Variants in CDH12 observed in about 807,000 individuals in gnomAD.
CDH12 encodes the protein cadherin 12, also known as cadherin-12.
A neutral mutation model predicts 74.1 loss-of-function variants in CDH12; 41 were observed. The ratio of observed to expected loss-of-function variants is 0.55; its 90% CI spans 0.43 to 0.72. The LOEUF is 0.72. CDH12 is among the 30% of genes least tolerant of loss of function. The probability of loss-of-function intolerance (pLI) is 0.00; values close to 1 mark genes in which losing one functional copy is unlikely to be tolerated. For synonymous variants in CDH12, 399 were observed against 355.0 expected (o/e 1.12, Z -1.39); for missense variants, 945 against 977.2 (o/e 0.97, Z 0.44).
At chr5:22,808,439 A>T (rs1354299484) in intron 1 of CDH12, among the ~76,000 whole-genome samples, 1 of 152,128 alleles carries the variant, frequency 6.6e-6, no homozygotes, top group African/African-American at 2.4e-5. Flanking sequence ...TAGAGATGAA[A>T]AAATAGTCAA....
intron 1 of CDH12, among the ~76,000 whole-genome samples, chr5:22,661,810 C>T (rs1580862669): frequency 2.0e-5 from 3 of 152,076 alleles, no homozygotes; most frequent in South Asian, 2.1e-4. Flanking sequence ...AGGACAGGCT[C>T]TTCCACAAAA....
At chr5:22,772,473 C>A (rs768651467) in intron 1 of CDH12, among the ~76,000 whole-genome samples, 2 of 151,966 alleles carry the variant, frequency 1.3e-5, no homozygotes, top group Admixed American at 6.6e-5. Flanking sequence ...ATAAGGGAAG[C>A]AATGTGTAGA....
intron 8 of CDH12, among the ~76,000 whole-genome samples, chr5:21,841,074 C>T (rs1445373893): frequency 1.6e-3 from 240 of 152,042 alleles, no homozygotes; most frequent in African/African-American, 5.4e-3. Context: ...ACAGGCAACC[C>T]ACAAAATGGG....
chr5:22,356,210 G>A (rs1193789129), intron 3 of CDH12, among the ~76,000 whole-genome samples: 2 of 152,058 alleles, frequency 1.3e-5, no homozygotes, highest in Non-Finnish European at 2.9e-5. Context: ...GGGGAGAATA[G>A]CAATATTTTC....
At position 22,128,434 on chromosome 5, in the gene CDH12, C is replaced by T. The variant is rs183081460; in HGVS notation, c.-186-49572G>A. ...CTAGTTTTTTTTTTCTTTTTTGTTA[C>T]CTGCTCATAGGATATAAACTTATTT... is the stretch of plus-strand genomic sequence containing the variant. On this transcript the variant is annotated intron_variant, in intron 4 of 14. Transcript: ENST00000382254. 7.3e-4 allele frequency among the ~76,000 whole-genome samples: 110 copies of T among 151,348 alleles called. 1 individual carries two copies. The East Asian group carries it at 0.02, about 28-fold the overall frequency.
intron 8 of CDH12, among the ~76,000 whole-genome samples, chr5:21,836,977 C>T (rs571599764): frequency 1.4e-4 from 21 of 152,026 alleles, no homozygotes; most frequent in South Asian, 4.2e-4. Flanking sequence ...TCTGTAGGAT[C>T]TTTTGGGGGA....
chr5:22,219,536 A>T (rs941545151), intron 3 of CDH12, among the ~76,000 whole-genome samples: 6 of 151,652 alleles, frequency 4.0e-5, no homozygotes, highest in African/African-American at 1.2e-4. Flanking sequence ...TGCTGACTTT[A>T]TTTCCCTTAT....
Position 21,751,070 on chromosome 5 carries a change from T to C in CDH12, c.*667A>G, listed in dbSNP as rs1744019130. On this transcript the variant is annotated 3_prime_UTR_variant, in exon 15 of 15. Coordinates refer to ENST00000382254, the MANE Select transcript of CDH12 (RefSeq NM_004061.5). ...GGGACTTACATATTGAACTTGATAT[T>C]TTCATATTTATTTCAATTTTCTGAA... The C allele has an allele frequency of 6.6e-6, 1 of 152,580 alleles. No individual in the cohort carries two copies. The highest frequency in any genetic ancestry group is 2.1e-4 in the South Asian group (1 of 4,836). 9.5% of individuals were successfully genotyped at this position (152,580 alleles called of 1,614,324 possible). A position where few individuals can be genotyped will look rare whatever the true frequency, so the allele number is the denominator to read the frequency against.
intron 8 of CDH12, among the ~76,000 whole-genome samples, chr5:21,837,413 A>G (rs1749594307): frequency 6.6e-6 from 1 of 151,068 alleles, no homozygotes; most frequent in Non-Finnish European, 1.5e-5. Context: ...TAAGAACTTA[A>G]TTTGTGTAGC....
At chr5:22,850,388 T>C (rs1737496394) in intron 1 of CDH12, among the ~76,000 whole-genome samples, 1 of 152,076 alleles carries the variant, frequency 6.6e-6, no homozygotes. Flanking sequence ...TGAGTTTAAA[T>C]TGTTCAGTTA....
intron 5 of CDH12, among the ~76,000 whole-genome samples, chr5:22,065,473 G>A (rs974047485): frequency 4.6e-5 from 7 of 152,168 alleles, no homozygotes; most frequent in Admixed American, 4.6e-4. Context: ...GCTGAAACAT[G>A]GAGCCAAAGT....
At chr5:22,462,543 G>C in intron 2 of CDH12, among the ~76,000 whole-genome samples, 1 of 152,180 alleles carries the variant, frequency 6.6e-6, no homozygotes, top group South Asian at 2.1e-4. Context: ...GCTGCCTACT[G>C]TGGTCCCTGG....
chr5:22,140,241 C>A (rs1245230815), intron 4 of CDH12, among the ~76,000 whole-genome samples: 1 of 151,686 alleles, frequency 6.6e-6, no homozygotes, highest in African/African-American at 2.4e-5. Flanking sequence ...GTGATGATTT[C>A]TCAGCTAAAA....
intron 1 of CDH12, among the ~76,000 whole-genome samples, chr5:22,697,591 A>C (rs1742447308): frequency 6.9e-6 from 1 of 145,778 alleles, no homozygotes; most frequent in Non-Finnish European, 1.5e-5. Flanking sequence ...AAAAAAAAAG[A>C]AAGAAAACAT....
intron 11 of CDH12, among the ~76,000 whole-genome samples, chr5:21,770,517 G>A (rs537672844): frequency 2.0e-5 from 3 of 151,802 alleles, no homozygotes; most frequent in South Asian, 2.1e-4. Flanking sequence ...CCCACTACTC[G>A]GGAGGCAGGA....
In CDH12 at chr5:22,796,713, G is replaced by A. The variant is rs564375105; in HGVS notation, c.-523+56345C>T. 1.0e-3 allele frequency among the ~76,000 whole-genome samples: 112 copies of A among 112,208 alleles called. 17 individuals carry two copies. Among genetic ancestry groups the A allele is most frequent in the African/African-American group, 4.5e-3 (109 of 24,002 alleles). 73.6% of individuals were successfully genotyped at this position (112,208 alleles called of 152,430 possible). On this transcript the variant is annotated intron_variant, in intron 1 of 14. Coordinates refer to ENST00000382254, the MANE Select transcript of CDH12 (RefSeq NM_004061.5). ...TTTTTTGTATTTTTAGTAGAGACGG[G>A]GTTTCACCGTTTTAGCCGGGATGGT...
chr5:22,049,231 A>T (rs571000022), intron 5 of CDH12, among the ~76,000 whole-genome samples: 17 of 152,174 alleles, frequency 1.1e-4, no homozygotes, highest in Non-Finnish European at 1.9e-4. Flanking sequence ...TATTATCAAC[A>T]CAATTCTGAT....
At chr5:22,251,119 T>C (rs1415858583) in intron 3 of CDH12, among the ~76,000 whole-genome samples, 2 of 152,178 alleles carry the variant, frequency 1.3e-5, no homozygotes, top group African/African-American at 4.8e-5. Context: ...GGATGACTGA[T>C]AGCTAAAGGT....
intron 1 of CDH12, among the ~76,000 whole-genome samples, chr5:22,789,448 T>A (rs1747801138): frequency 6.6e-6 from 1 of 152,070 alleles, no homozygotes; most frequent in African/African-American, 2.4e-5. Context: ...TTTAAAAATG[T>A]AGCAATATAT....
Sources: allele counts gnomAD v4.1 joint callset (sites outside exome capture counted in the v4.1 genomes callset), GRCh38; gene constraint gnomAD v4.1.1; transcripts MANE v1.5; gene names NCBI Gene and HGNC (gene_info 2026-07-23, HGNC 2026-07-21).